BPTF: variants seen among roughly 807,000 people sequenced by gnomAD.
BPTF encodes bromodomain PHD finger transcription factor, also known as nucleosome-remodeling factor subunit BPTF.
A neutral mutation model predicts 292.5 loss-of-function variants in BPTF; 18 were observed. That is an observed-to-expected ratio of 0.06 (90% CI 0.04 to 0.09). BPTF has a LOEUF of 0.09. Among genes scored for constraint, BPTF ranks in the 10% least tolerant of loss-of-function variants. The pLI, the probability that BPTF is intolerant of heterozygous loss-of-function variation, is 1.00. For missense variants in BPTF, 2,726 were observed against 3,498.7 expected (o/e 0.78, Z 5.57); for synonymous variants, 1,225 against 1,251.9 (o/e 0.98, Z 0.45).
At chr17:67,840,575 A>G (rs1213853022) in intron 1 of BPTF, among the ~76,000 whole-genome samples, 6 of 142,420 alleles carry the variant, frequency 4.2e-5, no homozygotes, top group Middle Eastern at 3.5e-3. Flanking sequence ...ATTTTTTTAG[A>G]CAGTTTCCTT....
chr17:67,919,998 G>T lies in BPTF; in HGVS notation c.5429-17G>T. The T allele has an allele frequency of 6.3e-7, 1 of 1,599,652 alleles. No homozygotes were observed. Among genetic ancestry groups the T allele is most frequent in the South Asian group, 1.1e-5 (1 of 89,412 alleles). ...ATTTCAGTTGGTTATTAATACTATT[G>T]AATTAAATCACCATAGAAACATCCG... On this transcript the variant is annotated splice_polypyrimidine_tract_variant and intron_variant, in intron 12 of 27. Transcript: ENST00000306378.
Position 67,909,736 on chromosome 17 carries a change from A to G in BPTF, c.2967A>G (p.Ser989=), listed in dbSNP as rs150251003. The part of the protein sequence containing the change: ...KGADQNEMDI[S]KITEKKDQDV... ...CAGACCAAAATGAAATGGATATCTC[A>G]AAGATTACTGAGAAGAAGGACCAAG... The change falls in exon 10 of 28, where the codon TCA becomes TCG. Residue 989 remains serine (S), a synonymous_variant. Transcript: ENST00000306378. 6.3e-7 allele frequency: 1 copy of G among 1,578,812 alleles called. No homozygotes were observed. Among genetic ancestry groups the G allele is most frequent in the African/African-American group, 1.4e-5 (1 of 72,978 alleles).
chr17:67,840,196 A>G (rs1278276299), intron 1 of BPTF, among the ~76,000 whole-genome samples: 1 of 150,254 alleles, frequency 6.7e-6, no homozygotes, highest in Non-Finnish European at 1.5e-5. Context: ...TCCACTTCCT[A>G]GCCTCAAGCC....
In BPTF at chr17:67,911,513, G is replaced by C. The variant is rs371357766; in HGVS notation, c.3629G>C (p.Gly1210Ala). The C allele has an allele frequency of 7.7e-5, 124 of 1,613,506 alleles. No individual in the cohort carries two copies. In the East Asian group the frequency reaches 2.6e-3, roughly 33 times the overall value. ...GQEPSKSKTKGNDFFIDDSKL... is the reference protein window; with the variant it reads ...GQEPSKSKTKANDFFIDDSKL... Reference sequence around the variant, plus strand: ...GAACCCAGTAAGAGTAAAACAAAAGGAAATGATTTTTTCATCGATGACTCT... The same window carrying C: ...GAACCCAGTAAGAGTAAAACAAAAGCAAATGATTTTTTCATCGATGACTCT... Residue 1210 changes from glycine (G) to alanine (A), a missense_variant, in exon 11 of 28, where the codon GGA (glycine) becomes GCA (alanine). Physicochemically the swap from Gly to Ala is moderately conservative, Grantham distance 60 (BLOSUM62 0). Coordinates refer to ENST00000306378, the MANE Select transcript of BPTF (RefSeq NM_182641.4).
At chr17:67,901,461 G>A (rs1213564756) in intron 7 of BPTF, among the ~76,000 whole-genome samples, 1 of 152,126 alleles carries the variant, frequency 6.6e-6, no homozygotes, top group East Asian at 1.9e-4. Flanking sequence ...AAAATTCTGA[G>A]TGGAAAAATG....
intron 18 of BPTF, among the ~76,000 whole-genome samples, chr17:67,935,552 G>C (rs938602629): frequency 2.0e-5 from 3 of 152,132 alleles, no homozygotes; most frequent in African/African-American, 7.2e-5. Flanking sequence ...GAAAAGGGAG[G>C]AATATGCTTG....
chr17:67,867,060 T>C (rs896202190), intron 3 of BPTF, among the ~76,000 whole-genome samples: 3 of 152,256 alleles, frequency 2.0e-5, no homozygotes, highest in Admixed American at 6.5e-5. Flanking sequence ...CACCATCACG[T>C]ATGTGGTTCC....
At chr17:67,833,088 C>T (rs747330309) in intron 1 of BPTF, among the ~76,000 whole-genome samples, 28 of 151,876 alleles carry the variant, frequency 1.8e-4, no homozygotes, top group Non-Finnish European at 2.9e-4. Context: ...TGAGCCACTG[C>T]GCCCCGCCTG....
At chr17:67,916,765 CAAAAAAAAAA>C (rs768285922) in intron 11 of BPTF, among the ~76,000 whole-genome samples, 3 of 56,400 alleles carry the variant, frequency 5.3e-5, no homozygotes, top group Admixed American at 3.9e-4. Context: ...TACTCTGTCT[CAAAAAAAAAA>C]AAAAAAAAAA....
chr17:67,923,573 C>T (rs1292636526), intron 14 of BPTF, among the ~76,000 whole-genome samples: 2 of 140,650 alleles, frequency 1.4e-5, no homozygotes, highest in African/African-American at 2.6e-5. Flanking sequence ...ACCTCTGCCT[C>T]CTGGGCTCAA....
intron 2 of BPTF, among the ~76,000 whole-genome samples, chr17:67,862,955 C>T (rs550343517): frequency 6.6e-6 from 1 of 152,172 alleles, no homozygotes; most frequent in South Asian, 2.1e-4. Context: ...AGTTCTTCAG[C>T]CTCTTCCCAT....
intron 1 of BPTF, among the ~76,000 whole-genome samples, chr17:67,837,132 C>T (rs889136554): frequency 6.6e-6 from 1 of 152,070 alleles, no homozygotes; most frequent in African/African-American, 2.4e-5. Context: ...TGAAGTGCCC[C>T]CCTTTTTATT....
chr17:67,934,870 CAAAAAAA>C (rs569120237), intron 18 of BPTF, among the ~76,000 whole-genome samples: 4 of 91,052 alleles, frequency 4.4e-5, no homozygotes, highest in African/African-American at 5.7e-5. Context: ...AACTCTGTCT[CAAAAAAA>C]AAAAAAAAAA....
intron 1 of BPTF, among the ~76,000 whole-genome samples, chr17:67,844,248 G>A (rs1328826912): frequency 4.0e-5 from 6 of 148,266 alleles, no homozygotes; most frequent in Middle Eastern, 3.5e-3. Context: ...CATGTCTGGC[G>A]AATTTTTTTT....
intron 23 of BPTF, among the ~76,000 whole-genome samples, chr17:67,954,765 C>T (rs1258803807): frequency 7.9e-5 from 12 of 152,110 alleles, no homozygotes; most frequent in Non-Finnish European, 1.3e-4. Flanking sequence ...TCTTGGTTTT[C>T]CCAAAATCCG....
At chr17:67,928,692 A>C in intron 16 of BPTF, 91 bp downstream of exon 16, 1 of 1,435,710 alleles carries the variant, frequency 7.0e-7, no homozygotes, top group Non-Finnish European at 9.3e-7. Flanking sequence ...TTTTTTTAGA[A>C]GATTGTTTTT....
intron 4 of BPTF, chr17:67,875,443 G>A (rs9890629): frequency 0.25 from 183,326 of 721,034 alleles, 28,525 homozygotes; most frequent in East Asian, 0.67. Context: ...TAAAATGGCC[G>A]TTCAATGGAA....
At chr17:67,973,122 C>G (rs187730437) in intron 26 of BPTF, among the ~76,000 whole-genome samples, 12 of 147,812 alleles carry the variant, frequency 8.1e-5, no homozygotes, top group African/African-American at 3.0e-4. Flanking sequence ...CGCCTGTAAT[C>G]CCAGCACTTT....
intron 4 of BPTF, among the ~76,000 whole-genome samples, chr17:67,881,863 T>TTTG (rs1567970167): frequency 2.1e-5 from 1 of 47,022 alleles, no homozygotes; most frequent in African/African-American, 1.1e-4. Context: ...TTTTTGTTTT[T>TTTG]TTTTTTTTTT....
Sources: gnomAD v4.1 joint callset for allele counts (sites outside exome capture counted in the v4.1 genomes callset) on GRCh38, gnomAD v4.1.1 for gene constraint, MANE v1.5 for transcripts, NCBI Gene and HGNC (gene_info 2026-07-23, HGNC 2026-07-21) for gene names.